UBXN7: variants seen among roughly 807,000 people sequenced by gnomAD.
The protein encoded by UBXN7 is UBX domain-containing protein 7.
Under a neutral mutation model 58.0 loss-of-function variants are expected in UBXN7, and 9 were observed. The observed-to-expected ratio is 0.16, with a 90% CI of 0.09 to 0.27. UBXN7 has a LOEUF of 0.27. UBXN7 is among the 10% of genes least tolerant of loss of function. UBXN7 has a pLI of 1.00. For missense variants in UBXN7, 328 were observed against 599.6 expected (o/e 0.55, Z 4.73); for synonymous variants, 208 against 205.0 (o/e 1.01, Z -0.12).
At chr3:196,390,138 G>A (rs1729531617) in intron 5 of UBXN7, among the ~76,000 whole-genome samples, 1 of 151,958 alleles carries the variant, frequency 6.6e-6, no homozygotes, top group Non-Finnish European at 1.5e-5. Context: ...GGGATCAATT[G>A]AGACCATAAG....
At chr3:196,376,735 T>C (rs1019130415) in intron 5 of UBXN7, among the ~76,000 whole-genome samples, 1 of 151,492 alleles carries the variant, frequency 6.6e-6, no homozygotes, top group Admixed American at 6.6e-5. Context: ...AAAATGTGGG[T>C]TTTTTTTCCT....
chr3:196,387,372 G>A (rs893860162), intron 5 of UBXN7, among the ~76,000 whole-genome samples: 40 of 152,154 alleles, frequency 2.6e-4, no homozygotes, highest in African/African-American at 9.2e-4. Flanking sequence ...CAGGACACAG[G>A]CATGGGCAAA....
At position 196,349,585 on chromosome 3, in the gene UBXN7, A is replaced by G. The variant is rs912599248; in HGVS notation, c.*7100T>C. On this transcript the variant is annotated 3_prime_UTR_variant, in exon 11 of 11. Coordinates refer to ENST00000296328, the MANE Select transcript of UBXN7 (RefSeq NM_015562.2). ...AGTGTAAGCAGTCTAATGTCATCAA[A>G]CTGAAATGGACCCTCGTGACGGGCA... The G allele has an allele frequency of 6.6e-6, 1 of 152,160 alleles. No homozygotes were observed. The highest frequency in any genetic ancestry group is 1.5e-5 in the Non-Finnish European group (1 of 68,034). The allele number at this position is 152,160 out of a possible 1,614,324, so 9.4% of individuals were successfully genotyped here. A position where few individuals can be genotyped will look rare whatever the true frequency, so the allele number is the denominator to read the frequency against.
intron 8 of UBXN7, among the ~76,000 whole-genome samples, 167 bp from the exon 9 acceptor site, chr3:196,362,854 G>A (rs1728541214): frequency 6.6e-6 from 1 of 152,056 alleles, no homozygotes; most frequent in Non-Finnish European, 1.5e-5. Context: ...AATTGGAATG[G>A]AGATATATAT....
intron 10 of UBXN7, among the ~76,000 whole-genome samples, chr3:196,361,414 C>T (rs1363477729): frequency 3.3e-5 from 5 of 152,148 alleles, no homozygotes; most frequent in African/African-American, 7.2e-5. Flanking sequence ...GATAAAATTG[C>T]GGCAAATTCT....
At chr3:196,413,919 A>G (rs981669285) in intron 1 of UBXN7, among the ~76,000 whole-genome samples, 1 of 152,190 alleles carries the variant, frequency 6.6e-6, no homozygotes, top group South Asian at 2.1e-4. Context: ...ATTGTACCTA[A>G]TACAACGTAA....
chr3:196,401,282 T>A (rs796872980), intron 3 of UBXN7, among the ~76,000 whole-genome samples: 849 of 42,272 alleles, frequency 0.02, 4 homozygotes, highest in African/African-American at 0.031. Flanking sequence ...AAAATATATA[T>A]ATATATATAT....
chr3:196,355,165 T>TA lies in UBXN7; in HGVS notation c.*1519dup, dbSNP rs1423865559. ...GTCTCTACGCAACATCTGAGGAACA[T>TA]ACGCTCCTCAGATAAAAGAATCAAT... On this transcript the variant is annotated 3_prime_UTR_variant, in exon 11 of 11. Transcript: ENST00000296328. 6.6e-6 allele frequency: 1 copy of TA among 152,196 alleles called. No homozygotes were observed. Among genetic ancestry groups the TA allele is most frequent in the Admixed American group, 6.5e-5 (1 of 15,270 alleles). The allele number at this position is 152,196 out of a possible 1,614,324, so 9.4% of individuals were successfully genotyped here.
intron 3 of UBXN7, among the ~76,000 whole-genome samples, chr3:196,396,762 C>CA (rs953966606): frequency 6.6e-6 from 1 of 150,992 alleles, no homozygotes; most frequent in African/African-American, 2.4e-5. Flanking sequence ...GACTCCATCT[C>CA]AAAAAAAATA....
intron 6 of UBXN7, among the ~76,000 whole-genome samples, chr3:196,370,929 T>A (rs1230693623): frequency 6.6e-6 from 1 of 150,992 alleles, no homozygotes; most frequent in Non-Finnish European, 1.5e-5. Flanking sequence ...CTCAAGAAAC[T>A]GAGGTGGAAG....
rs1728267737 is a variant in UBXN7, at chr3:196,353,542, T to TA, written c.*3142dup. ...TCGCTTTGTCGCCCAGGCTGGAGTG[T>TA]AATGGTGCGATCTTGGCTCACTGCA... On this transcript the variant is annotated 3_prime_UTR_variant, in exon 11 of 11. Coordinates refer to ENST00000296328, the MANE Select transcript of UBXN7 (RefSeq NM_015562.2). 1 of 151,260 alleles carries TA rather than the reference T, an allele frequency of 6.6e-6. No homozygotes were observed. Among genetic ancestry groups the TA allele is most frequent in the African/African-American group, 2.4e-5 (1 of 41,182 alleles). 9.4% of individuals were successfully genotyped at this position (151,260 alleles called of 1,614,324 possible). A position where few individuals can be genotyped will look rare whatever the true frequency, so the allele number is the denominator to read the frequency against.
intron 5 of UBXN7, among the ~76,000 whole-genome samples, chr3:196,386,095 T>C (rs1260807856): frequency 8.6e-5 from 13 of 152,034 alleles, no homozygotes; most frequent in Admixed American, 7.2e-4. Flanking sequence ...CCATGCTCTC[T>C]GAAACATGTG....
intron 7 of UBXN7, 33 bp from the exon 8 acceptor site, chr3:196,368,188 T>C: frequency 6.3e-7 from 1 of 1,583,980 alleles, no homozygotes; most frequent in Non-Finnish European, 8.6e-7. Flanking sequence ...TATAAATAAA[T>C]ATAATATCTA....
rs140203206 is a variant in UBXN7, at chr3:196,375,861, T to C, written c.469-3819A>G. Among the ~76,000 whole-genome samples the C allele has an allele frequency of 1.1e-3, 172 of 152,262 alleles. 1 individual carries two copies. The highest frequency in any genetic ancestry group is 3.8e-3 in the African/African-American group (158 of 41,544). On this transcript the variant is annotated intron_variant, in intron 5 of 10. Transcript: ENST00000296328. ...CTGGTCAACATGGCGAAACCCCATC[T>C]CTACTAACGATACTAAAATTAGACG...
chr3:196,411,014 C>A (rs764851580), intron 1 of UBXN7, among the ~76,000 whole-genome samples: 1 of 152,144 alleles, frequency 6.6e-6, no homozygotes, highest in Non-Finnish European at 1.5e-5. Flanking sequence ...TCCTCCCCAT[C>A]GTCCCCTCAT....
intron 5 of UBXN7, among the ~76,000 whole-genome samples, chr3:196,387,976 A>C (rs1729462254): frequency 1.3e-5 from 2 of 152,284 alleles, no homozygotes; most frequent in South Asian, 2.1e-4. Context: ...TCATGCTGCT[A>C]TAAAGACACA....
rs567317471 is a variant in UBXN7, at chr3:196,396,318, C to T, written c.290-2699G>A. Among the ~76,000 whole-genome samples, 22 of 151,776 alleles carry T rather than the reference C, an allele frequency of 1.4e-4. 1 individual carries two copies. The South Asian group carries it at 4.2e-3, about 29-fold the overall frequency. ...ATGTGCGCCTATAGTCCCAGCTGCCCAGGTGGCTGATGTGAGAGGATCGCT... is the reference window on the plus strand; with the variant it reads ...ATGTGCGCCTATAGTCCCAGCTGCCTAGGTGGCTGATGTGAGAGGATCGCT... On this transcript the variant is annotated intron_variant, in intron 3 of 10. Coordinates refer to ENST00000296328, the MANE Select transcript of UBXN7 (RefSeq NM_015562.2).
intron 1 of UBXN7, among the ~76,000 whole-genome samples, chr3:196,415,455 T>C (rs113444016): frequency 0.01 from 1,493 of 144,938 alleles, 18 homozygotes; most frequent in African/African-American, 0.035. Flanking sequence ...CCCAGCCATA[T>C]TATCATACTT....
intron 1 of UBXN7, among the ~76,000 whole-genome samples, chr3:196,416,556 T>C (rs1303253253): frequency 6.6e-6 from 1 of 152,200 alleles, no homozygotes; most frequent in Non-Finnish European, 1.5e-5. Flanking sequence ...GGGAACCATT[T>C]AGAGAATTTG....
Sources: gnomAD v4.1 joint callset for allele counts (sites outside exome capture counted in the v4.1 genomes callset) on GRCh38, gnomAD v4.1.1 for gene constraint, MANE v1.5 for transcripts, NCBI Gene and HGNC (gene_info 2026-07-23, HGNC 2026-07-21) for gene names.